RTN4RL1: variants seen among roughly 807,000 people sequenced by gnomAD.
The protein encoded by RTN4RL1 is reticulon 4 receptor like 1.
Under a neutral mutation model 25.6 loss-of-function variants are expected in RTN4RL1, and 7 were observed. That is an observed-to-expected ratio of 0.27 (90% CI 0.16 to 0.51). The LOEUF (loss-of-function observed/expected upper bound fraction) is 0.51. Among genes scored for constraint, RTN4RL1 ranks in the 20% least tolerant of loss-of-function variants. The probability of loss-of-function intolerance (pLI) is 0.97; values close to 1 mark genes in which losing one functional copy is unlikely to be tolerated. For missense variants in RTN4RL1, 500 were observed against 615.6 expected (o/e 0.81, Z 1.99); for synonymous variants, 297 against 288.2 (o/e 1.03, Z -0.31).
At chr17:1,956,352 G>A (rs1205956756) in intron 1 of RTN4RL1, among the ~76,000 whole-genome samples, 2 of 151,934 alleles carry the variant, frequency 1.3e-5, no homozygotes, top group Non-Finnish European at 2.9e-5. Context: ...CAGTGGGGGT[G>A]TGAAGCCTTG....
chr17:1,960,013 C>T (rs1435486409), intron 1 of RTN4RL1, among the ~76,000 whole-genome samples: 2 of 152,134 alleles, frequency 1.3e-5, no homozygotes, highest in East Asian at 1.9e-4. Flanking sequence ...CTGTGTTCAC[C>T]GTGTAGGCTT....
At chr17:1,953,374 C>T (rs887068916) in intron 1 of RTN4RL1, among the ~76,000 whole-genome samples, 1 of 152,008 alleles carries the variant, frequency 6.6e-6, no homozygotes, top group Admixed American at 6.6e-5. Flanking sequence ...CCACTGTACT[C>T]CAGCCTGGGT....
chr17:1,954,269 C>CT (rs1597492740), intron 1 of RTN4RL1, among the ~76,000 whole-genome samples: 1 of 152,108 alleles, frequency 6.6e-6, no homozygotes, highest in African/African-American at 2.4e-5. Flanking sequence ...AAAAGTCTAA[C>CT]TTACATACTG....
intron 1 of RTN4RL1, among the ~76,000 whole-genome samples, chr17:1,999,142 TACACACACACAC>T (rs147931732): frequency 2.0e-5 from 3 of 147,840 alleles, no homozygotes; most frequent in South Asian, 4.3e-4. Context: ...GTGCTCATCA[TACACACACACAC>T]ACACACACAC....
intron 1 of RTN4RL1, among the ~76,000 whole-genome samples, chr17:2,006,614 G>A (rs912080493): frequency 7.1e-6 from 1 of 140,716 alleles, no homozygotes; most frequent in African/African-American, 2.5e-5. Flanking sequence ...CACCACGCCT[G>A]GCCAAATTTG....
chr17:1,987,005 G>A lies in RTN4RL1; in HGVS notation c.13+37848C>T, dbSNP rs115107378. Among the ~76,000 whole-genome samples, 922 of 152,304 alleles carry A rather than the reference G, an allele frequency of 6.1e-3. 4 individuals carry two copies. The highest frequency in any genetic ancestry group is 0.021 in the African/African-American group (887 of 41,564). Reference sequence around the variant, plus strand: ...GGACAAGATAAGTGGGTGCCTTCGGGGCTGCCGCTGCGACAAGGGGACCAA... The same window carrying A: ...GGACAAGATAAGTGGGTGCCTTCGGAGCTGCCGCTGCGACAAGGGGACCAA... On this transcript the variant is annotated intron_variant, in intron 1 of 1. Transcript: ENST00000331238.
At chr17:1,943,498 G>A (rs1203766123) in intron 1 of RTN4RL1, among the ~76,000 whole-genome samples, 1 of 152,198 alleles carries the variant, frequency 6.6e-6, no homozygotes, top group East Asian at 1.9e-4. Flanking sequence ...CTTGGAGACC[G>A]GTAAGATCCC....
chr17:1,957,239 C>G (rs1026111252), intron 1 of RTN4RL1, among the ~76,000 whole-genome samples: 1 of 152,118 alleles, frequency 6.6e-6, no homozygotes. Context: ...GAACATTCAG[C>G]TCCTAAAACC....
chr17:1,969,283 T>A (rs372934731), intron 1 of RTN4RL1, among the ~76,000 whole-genome samples: 2 of 152,116 alleles, frequency 1.3e-5, no homozygotes, highest in South Asian at 4.2e-4. Context: ...AGTCTTGAAC[T>A]CCTGACCTTG....
At chr17:1,954,534 C>T (rs1915749995) in intron 1 of RTN4RL1, among the ~76,000 whole-genome samples, 1 of 152,064 alleles carries the variant, frequency 6.6e-6, no homozygotes, top group Non-Finnish European at 1.5e-5. Flanking sequence ...ATTACAGGTG[C>T]TCACCACCAC....
chr17:1,991,379 T>TAA (rs1010454123), intron 1 of RTN4RL1, among the ~76,000 whole-genome samples: 1 of 147,644 alleles, frequency 6.8e-6, no homozygotes, highest in African/African-American at 2.5e-5. Flanking sequence ...ATAAAGCCTG[T>TAA]GAGTTTGTTT....
chr17:1,987,531 T>C (rs113783010), intron 1 of RTN4RL1, among the ~76,000 whole-genome samples: 1,535 of 152,284 alleles, frequency 0.01, 23 homozygotes, highest in African/African-American at 0.035. Flanking sequence ...GTCTGTTTCA[T>C]GAGCCTGTAA....
At chr17:1,955,515 C>T (rs1040902388) in intron 1 of RTN4RL1, among the ~76,000 whole-genome samples, 10 of 151,294 alleles carry the variant, frequency 6.6e-5, no homozygotes, top group Admixed American at 2.0e-4. Context: ...ATGATCATGC[C>T]ACTGCACTCC....
chr17:1,981,506 C>T (rs1021999612), intron 1 of RTN4RL1, among the ~76,000 whole-genome samples: 7 of 152,232 alleles, frequency 4.6e-5, no homozygotes, highest in African/African-American at 1.7e-4. Flanking sequence ...CTCCCTTTTG[C>T]CCTGCGGCTG....
At chr17:1,999,201 A>G (rs1182254232) in intron 1 of RTN4RL1, among the ~76,000 whole-genome samples, 2 of 151,054 alleles carry the variant, frequency 1.3e-5, no homozygotes, top group Non-Finnish European at 2.9e-5. Context: ...TAATCTCAGC[A>G]CTTTGGGAGG....
rs190639326 is a variant in RTN4RL1 at position 1,955,489 on chromosome 17, A to G, written c.14-17681T>C. Among the ~76,000 whole-genome samples the G allele has an allele frequency of 3.9e-3, 586 of 151,744 alleles. 5 individuals are homozygous for G. The highest frequency in any genetic ancestry group is 0.013 in the African/African-American group (555 of 41,416). On this transcript the variant is annotated intron_variant, in intron 1 of 1. Coordinates refer to ENST00000331238, the MANE Select transcript of RTN4RL1 (RefSeq NM_178568.4). ...GAGGATCACTTGAGCCCGGGAGGTC[A>G]AGGCTGCTGTTAACCATGATCATGC... is the stretch of plus-strand genomic sequence containing the variant.
intron 1 of RTN4RL1, among the ~76,000 whole-genome samples, chr17:1,952,412 T>G (rs1026421017): frequency 6.7e-6 from 1 of 149,034 alleles, no homozygotes; most frequent in Admixed American, 6.9e-5. Flanking sequence ...TCTCGGCTCA[T>G]TGCAACCTCT....
intron 1 of RTN4RL1, among the ~76,000 whole-genome samples, chr17:1,978,484 G>C (rs1275567804): frequency 6.6e-6 from 1 of 152,268 alleles, no homozygotes; most frequent in African/African-American, 2.4e-5. Context: ...GAAGCGCCCA[G>C]GTGGGCTCTG....
intron 1 of RTN4RL1, among the ~76,000 whole-genome samples, chr17:1,992,384 C>T (rs921853472): frequency 1.4e-5 from 2 of 147,586 alleles, no homozygotes; most frequent in Non-Finnish European, 3.0e-5. Flanking sequence ...AAAAGAAAAA[C>T]GAAAAAAGAA....
Sources: allele counts gnomAD v4.1 joint callset (sites outside exome capture counted in the v4.1 genomes callset), GRCh38; gene constraint gnomAD v4.1.1; transcripts MANE v1.5; gene names NCBI Gene and HGNC (gene_info 2026-07-23, HGNC 2026-07-21).